KIF21B: variants seen among roughly 807,000 people sequenced by gnomAD.
KIF21B encodes kinesin-like protein KIF21B.
KIF21B carries 85 observed loss-of-function variants against 192.9 expected under a neutral mutation model. The observed-to-expected ratio is 0.44, with a 90% CI of 0.37 to 0.53. KIF21B has a LOEUF of 0.53. Among genes scored for constraint, KIF21B ranks in the 20% least tolerant of loss-of-function variants. KIF21B has a pLI of 0.00. For synonymous variants in KIF21B, 832 were observed against 884.6 expected (o/e 0.94, Z 1.05); for missense variants, 1,716 against 2,194.8 (o/e 0.78, Z 4.36).
At chr1:201,015,678 T>A (rs1658464230) in intron 1 of KIF21B, among the ~76,000 whole-genome samples, 1 of 152,172 alleles carries the variant, frequency 6.6e-6, no homozygotes, top group Non-Finnish European at 1.5e-5. Flanking sequence ...GACACAGAGA[T>A]AAGCCCGGTG....
intron 27 of KIF21B, among the ~76,000 whole-genome samples, chr1:200,984,469 GCA>G (rs1172508538): frequency 6.6e-6 from 1 of 152,006 alleles, no homozygotes; most frequent in Non-Finnish European, 1.5e-5. Flanking sequence ...CTGGGAGAAT[GCA>G]CAGAGAGTGG....
chr1:200,971,883 G>A lies in KIF21B; in HGVS notation c.*1638C>T, dbSNP rs112095811. The stretch of plus-strand genomic sequence containing the variant: ...GGGCGCCACATGGAGAGGGCTCCAA[G>A]TGCCCCAGCCCAAGACGGAGAGGAG... On this transcript the variant is annotated 3_prime_UTR_variant, in exon 35 of 35. Coordinates refer to ENST00000461742, the MANE Select transcript of KIF21B (RefSeq NM_001252102.2). The A allele has an allele frequency of 1.7e-4, 26 of 152,628 alleles. No individual in the cohort carries two copies. Among genetic ancestry groups the A allele is most frequent in the African/African-American group, 6.0e-4 (25 of 41,596 alleles). The allele number at this position is 152,628 out of a possible 1,614,324, so 9.5% of individuals were successfully genotyped here.
In KIF21B at chr1:200,989,924, T is replaced by G. The variant is rs57758014; in HGVS notation, c.3132+18A>C. ...CTGTGCCCATAGAGCCCCCTGCCCA[T>G]GTACGCTCCCAGCTTACCTTGTCAA... On this transcript the variant is annotated intron_variant, in intron 21 of 34. Transcript: ENST00000461742. 309,320 of 1,599,376 alleles carry G rather than the reference T, an allele frequency of 0.19. 33,198 individuals carry two copies. Among genetic ancestry groups the G allele is most frequent in the African/African-American group, 0.43 (32,082 of 74,692 alleles).
chr1:200,988,857 G>T lies in KIF21B; in HGVS notation c.3207C>A (p.Gly1069=). The T allele has an allele frequency of 6.2e-7, 1 of 1,607,666 alleles. No homozygotes were observed. The highest frequency in any genetic ancestry group is 8.5e-7 in the Non-Finnish European group (1 of 1,178,058). ...EGRLRQTDMA[G]SSQNHLLLDA... is the part of the protein sequence containing the mutation. ...CCAGGAGCAGATGGTTCTGGGAGGA[G>T]CCTGCCATATCCGTCTGCCTCAGTC... Residue 1069 remains glycine (G), a synonymous_variant, in exon 22 of 35, where the codon GGC becomes GGA. Transcript: ENST00000461742.
In KIF21B at chr1:200,998,894, G is replaced by A. The variant is rs895207099; in HGVS notation, c.1886-319C>T. On this transcript the variant is annotated intron_variant, in intron 13 of 34. Transcript: ENST00000461742. This position sits in a 1 kb window ranked among gnomAD's most constrained non-coding sequence, Gnocchi z 4.3. Reference sequence around the variant, plus strand: ...CAGCTTCAGTGGAGGAGGGTGAGATGGCTGAGAGCAACTTACAGGGCTAGG... The same window carrying A: ...CAGCTTCAGTGGAGGAGGGTGAGATAGCTGAGAGCAACTTACAGGGCTAGG... 8.5e-5 allele frequency among the ~76,000 whole-genome samples: 13 copies of A among 152,202 alleles called. No homozygotes were observed. The highest frequency in any genetic ancestry group is 3.1e-4 in the African/African-American group (13 of 41,444).
At chr1:200,980,418 T>C (rs1165697277) in intron 29 of KIF21B, among the ~76,000 whole-genome samples, 1 of 152,208 alleles carries the variant, frequency 6.6e-6, no homozygotes, top group Non-Finnish European at 1.5e-5. Context: ...TTGTGACTAA[T>C]TTTTTATTTT....
Position 201,000,887 on chromosome 1 carries a change from C to T in KIF21B, c.1403-107G>A. On this transcript the variant is annotated intron_variant, in intron 9 of 34. Transcript: ENST00000461742. This position sits in a 1 kb window ranked among gnomAD's most constrained non-coding sequence, Gnocchi z 6.0. ...CTTTGGGAGGCCAAGGCGGGCGGAT[C>T]ACCTGAGGCTGGGAGTTCGAGACTA... 9.0e-7 allele frequency: 1 copy of T among 1,110,120 alleles called. No individual in the cohort carries two copies. Among genetic ancestry groups the T allele is most frequent in the Non-Finnish European group, 1.4e-6 (1 of 733,512 alleles). 68.8% of individuals were successfully genotyped at this position (1,110,120 alleles called of 1,614,324 possible).
Position 201,002,171 on chromosome 1 carries a change from TAGC to T in KIF21B, c.1389_1391del (p.Leu464del). The T allele has an allele frequency of 1.2e-6, 2 of 1,614,030 alleles. No homozygotes were observed. Among genetic ancestry groups the T allele is most frequent in the Non-Finnish European group, 1.7e-6 (2 of 1,180,034 alleles). On this transcript the variant is annotated inframe_deletion, in exon 9 of 35. Transcript: ENST00000461742. ...CACAGCCCAACTCACCGGCCTTGGC[TAGC>T]AGCAGGTTGGCCTCCTGGCTCATGA... is the stretch of plus-strand genomic sequence containing the variant.
intron 1 of KIF21B, among the ~76,000 whole-genome samples, chr1:201,010,339 C>T (rs1280111857): frequency 6.6e-6 from 1 of 152,076 alleles, no homozygotes; most frequent in African/African-American, 2.4e-5. Context: ...GGGTGCGCTC[C>T]CAACCCAGAT....
intron 1 of KIF21B, among the ~76,000 whole-genome samples, chr1:201,019,823 G>A (rs1268005975): frequency 3.9e-5 from 6 of 152,076 alleles, no homozygotes; most frequent in Admixed American, 6.5e-5. Context: ...TTTGGGACTC[G>A]GAAGGCACCC....
At chr1:200,979,127 T>A (rs908254517) in intron 30 of KIF21B, among the ~76,000 whole-genome samples, 2 of 152,230 alleles carry the variant, frequency 1.3e-5, no homozygotes, top group East Asian at 3.8e-4. Context: ...GCCCTATGCC[T>A]GTGTGTCTGA....
In KIF21B at chr1:200,990,380, G is replaced by A. The variant is rs773881389; in HGVS notation, c.2836-48C>T. On this transcript the variant is annotated intron_variant, in intron 19 of 34. Coordinates refer to ENST00000461742, the MANE Select transcript of KIF21B (RefSeq NM_001252102.2). This position sits in a 1 kb window ranked among gnomAD's most constrained non-coding sequence, Gnocchi z 5.4. ...TGATTGTGATGAAGGAGAGGCCTCA[G>A]GTAGCTGCCAAGCCCTGCCCATAGC... 2 of 1,545,872 alleles carry A rather than the reference G, an allele frequency of 1.3e-6. No individual in the cohort carries two copies. Among genetic ancestry groups the A allele is most frequent in the Middle Eastern group, 1.9e-4 (1 of 5,150 alleles).
chr1:200,998,400 AC>A lies in KIF21B; in HGVS notation c.2060del (p.Arg687LeufsTer31). ...KIRDTQLERD[R>X]VLQNLSTMEC... ...TGGCCTCACTGAGGTTCTGCAGCAC[AC>A]GGTCGCGCTCCAGCTGTGTGTCTCG... On this transcript the variant is annotated frameshift_variant, in exon 14 of 35. Transcript: ENST00000461742. LOFTEE classifies it high-confidence loss of function. The surrounding 1 kb of genome is among the most constrained non-coding windows in gnomAD (Gnocchi z 4.3). 1 of 1,612,854 alleles carries A rather than the reference AC, an allele frequency of 6.2e-7. No homozygotes were observed. Among genetic ancestry groups the A allele is most frequent in the Non-Finnish European group, 8.5e-7 (1 of 1,179,556 alleles).
At chr1:201,008,470 G>A (rs976578430) in intron 3 of KIF21B, among the ~76,000 whole-genome samples, 1 of 152,152 alleles carries the variant, frequency 6.6e-6, no homozygotes, top group Non-Finnish European at 1.5e-5. Flanking sequence ...GGCTCAGTGT[G>A]GTAAATGACT....
chr1:200,981,222 T>A, intron 28 of KIF21B, 126 bp from the exon 29 acceptor site: 1 of 990,524 alleles, frequency 1.0e-6, no homozygotes, highest in Non-Finnish European at 1.4e-6. Flanking sequence ...ACAGAGACTT[T>A]AAGGACTCCA....
chr1:201,000,038 G>C lies in KIF21B; in HGVS notation c.1686-74C>G. ...TGAGCACATGGGCAGGACGGCGGCAGCGGCAGAAAAGGAAGGCTCTCACCA... is the reference window on the plus strand; with the variant it reads ...TGAGCACATGGGCAGGACGGCGGCACCGGCAGAAAAGGAAGGCTCTCACCA... On this transcript the variant is annotated intron_variant, in intron 11 of 34. Transcript: ENST00000461742. This position sits in a 1 kb window ranked among gnomAD's most constrained non-coding sequence, Gnocchi z 6.0. 1 of 1,378,494 alleles carries C rather than the reference G, an allele frequency of 7.3e-7. No homozygotes were observed. Among genetic ancestry groups the C allele is most frequent in the Non-Finnish European group, 1.0e-6 (1 of 972,862 alleles). 85.4% of individuals were successfully genotyped at this position (1,378,494 alleles called of 1,614,324 possible). A position where few individuals can be genotyped will look rare whatever the true frequency, so the allele number is the denominator to read the frequency against.
At chr1:201,019,462 T>C (rs1658695126) in intron 1 of KIF21B, among the ~76,000 whole-genome samples, 2 of 152,008 alleles carry the variant, frequency 1.3e-5, no homozygotes, top group Non-Finnish European at 2.9e-5. Context: ...ATGAATTGCA[T>C]CAGTTCCTGC....
At chr1:200,985,169 T>C (rs1656204046) in intron 26 of KIF21B, among the ~76,000 whole-genome samples, 197 bp from the exon 27 acceptor site, 1 of 152,176 alleles carries the variant, frequency 6.6e-6, no homozygotes. Context: ...ACAGATTCCA[T>C]ATTTGGGAAT....
chr1:201,004,723 G>T, intron 6 of KIF21B, 43 bp downstream of exon 6: 1 of 1,612,412 alleles, frequency 6.2e-7, no homozygotes, highest in South Asian at 1.1e-5. Flanking sequence ...GTCTGAGACT[G>T]AGCTGTGTGG....
Sources: allele counts gnomAD v4.1 joint callset (sites outside exome capture counted in the v4.1 genomes callset), GRCh38; gene constraint gnomAD v4.1.1; non-coding constraint Gnocchi (gnomAD v3.1); transcripts MANE v1.5; gene names NCBI Gene and HGNC (gene_info 2026-07-23, HGNC 2026-07-21).